NOL10: variants seen among roughly 807,000 people sequenced by gnomAD.
The protein encoded by NOL10 is H_NH0074G24.1.
In NOL10, 58 loss-of-function variants were observed where a neutral mutation model predicts 103.5. That is an observed-to-expected ratio of 0.56 (90% CI 0.45 to 0.70). The LOEUF (loss-of-function observed/expected upper bound fraction) is 0.70, where lower values mean the gene tolerates loss of function less well. Ranked by LOEUF, NOL10 falls within the 30% of genes least tolerant of loss-of-function variation. The pLI, the probability that NOL10 is intolerant of heterozygous loss-of-function variation, is 0.00. For synonymous variants in NOL10, 287 were observed against 282.5 expected (o/e 1.02, Z -0.16); for missense variants, 763 against 807.3 (o/e 0.95, Z 0.67).
chr2:10,659,353 G>T (rs75426415), intron 9 of NOL10, 103 bp from the exon 10 acceptor site: 6 of 398,796 alleles, frequency 1.5e-5, no homozygotes, highest in Non-Finnish European at 1.9e-5. Flanking sequence ...GGGGGGGGGG[G>T]GAGGAATCAC....
chr2:10,650,605 CA>C (rs1213765988), intron 12 of NOL10, among the ~76,000 whole-genome samples: 2 of 151,768 alleles, frequency 1.3e-5, no homozygotes, highest in Admixed American at 1.3e-4. Context: ...ATCGTGAGGC[CA>C]GGGGAGAGCC....
At chr2:10,661,816 G>A (rs1680227791) in intron 9 of NOL10, among the ~76,000 whole-genome samples, 1 of 151,480 alleles carries the variant, frequency 6.6e-6, no homozygotes, top group Non-Finnish European at 1.5e-5. Context: ...CCACCTAGAA[G>A]TGACAGCTTC....
intron 12 of NOL10, among the ~76,000 whole-genome samples, chr2:10,653,890 G>A (rs1216728178): frequency 6.6e-6 from 1 of 152,110 alleles, no homozygotes; most frequent in Non-Finnish European, 1.5e-5. Context: ...CTCACGCTCT[G>A]CCTTACTTCT....
At chr2:10,664,935 C>T (rs373954878) in intron 8 of NOL10, among the ~76,000 whole-genome samples, 13 of 152,316 alleles carry the variant, frequency 8.5e-5, no homozygotes, top group Admixed American at 3.9e-4. Context: ...AGGAATAGGA[C>T]AGGGTGGAAG....
chr2:10,602,773 T>C lies in NOL10; in HGVS notation c.1332+3A>G. ...TAAATTCAATGGTAAGTATAATATT[T>C]ACCTTTAACTGGACTCTCTGTGCAC... On this transcript the variant is annotated splice_donor_region_variant and intron_variant, in intron 16 of 20. Transcript: ENST00000381685. The C allele has an allele frequency of 1.9e-6, 3 of 1,552,884 alleles. No homozygotes were observed. The highest frequency in any genetic ancestry group is 2.7e-6 in the Non-Finnish European group (3 of 1,130,632).
chr2:10,632,421 A>C (rs1218445678), intron 13 of NOL10, among the ~76,000 whole-genome samples: 1 of 152,230 alleles, frequency 6.6e-6, no homozygotes, highest in East Asian at 1.9e-4. Context: ...GTGTTTCAAT[A>C]AAACTTTATT....
intron 1 of NOL10, among the ~76,000 whole-genome samples, chr2:10,685,922 C>A (rs1343485234): frequency 2.2e-5 from 2 of 92,948 alleles, no homozygotes; most frequent in African/African-American, 5.5e-5. Context: ...AGCAGCTGGG[C>A]ATGTTGGTAC....
At chr2:10,617,120 C>G (rs1422302898) in intron 13 of NOL10, among the ~76,000 whole-genome samples, 2 of 152,116 alleles carry the variant, frequency 1.3e-5, no homozygotes, top group African/African-American at 4.8e-5. Flanking sequence ...GCTGTGGAAA[C>G]TGAAGGAGAG....
In NOL10 at chr2:10,664,199, G is replaced by C. The variant is rs953140511; in HGVS notation, c.592-1155C>G. 5.3e-5 allele frequency among the ~76,000 whole-genome samples: 8 copies of C among 152,076 alleles called. No homozygotes were observed. The South Asian group carries it at 1.7e-3, about 32-fold the overall frequency. On this transcript the variant is annotated intron_variant, in intron 8 of 20. Coordinates refer to ENST00000381685, the MANE Select transcript of NOL10 (RefSeq NM_024894.4). ...TAATCCCAGCACTTTTGAAGGCCGA[G>C]GTAGGTGGATCACCTGAGGTCAGGA...
Position 10,689,953 on chromosome 2 carries a change from G to A in NOL10, c.-92C>T, listed in dbSNP as rs374502726. The A allele has an allele frequency of 3.8e-4, 471 of 1,235,068 alleles. 3 individuals carry two copies. In the African/African-American group the frequency reaches 5.8e-3, roughly 15 times the overall value. The allele number at this position is 1,235,068 out of a possible 1,614,324, so 76.5% of individuals were successfully genotyped here. A position where few individuals can be genotyped will look rare whatever the true frequency, so the allele number is the denominator to read the frequency against. ...GGGACCTCCGAGCCCCTGCTCCGCG[G>A]CGTGCGGCCGCTGGCGCCGACTGAT... is the stretch of plus-strand genomic sequence containing the variant. On this transcript the variant is annotated 5_prime_UTR_variant, in exon 1 of 21. Coordinates refer to ENST00000381685, the MANE Select transcript of NOL10 (RefSeq NM_024894.4).
At chr2:10,677,199 T>A (rs909010518) in intron 3 of NOL10, among the ~76,000 whole-genome samples, 3 of 151,968 alleles carry the variant, frequency 2.0e-5, no homozygotes, top group Non-Finnish European at 4.4e-5. Context: ...TCCGCCTGCC[T>A]AAGTGCTGGG....
chr2:10,676,291 T>C (rs1287234830), intron 3 of NOL10, among the ~76,000 whole-genome samples: 3 of 152,248 alleles, frequency 2.0e-5, no homozygotes, highest in Non-Finnish European at 4.4e-5. Context: ...ACTTTCAATC[T>C]ATATTTCAAC....
chr2:10,587,112 T>TACAC (rs796118820), intron 19 of NOL10, among the ~76,000 whole-genome samples: 461 of 40,504 alleles, frequency 0.011, 122 homozygotes, highest in African/African-American at 0.033. Flanking sequence ...TATATATACA[T>TACAC]ATATATACAT....
intron 13 of NOL10, chr2:10,622,087 G>A (rs1237290732): frequency 2.5e-5 from 12 of 471,170 alleles, no homozygotes; most frequent in Admixed American, 9.4e-5. Flanking sequence ...GAACGTGTCC[G>A]TCATCACAGA....
chr2:10,572,346 T>G (rs1466637793), intron 20 of NOL10, among the ~76,000 whole-genome samples, 156 bp from the exon 21 acceptor site: 1 of 152,198 alleles, frequency 6.6e-6, no homozygotes, highest in Non-Finnish European at 1.5e-5. Flanking sequence ...TGGGGCTGCC[T>G]GGACTCTGCT....
chr2:10,625,799 C>T (rs1677422539), intron 13 of NOL10, among the ~76,000 whole-genome samples: 2 of 152,088 alleles, frequency 1.3e-5, no homozygotes, highest in South Asian at 4.1e-4. Context: ...TGTTACATTT[C>T]TCTCTACTTT....
chr2:10,608,550 T>C (rs1676381366), intron 13 of NOL10, among the ~76,000 whole-genome samples: 1 of 152,088 alleles, frequency 6.6e-6, no homozygotes, highest in Non-Finnish European at 1.5e-5. Flanking sequence ...TCGGGCAAAA[T>C]GGAACTTCCA....
At chr2:10,584,874 T>TA (rs1674942192) in intron 19 of NOL10, among the ~76,000 whole-genome samples, 1 of 152,234 alleles carries the variant, frequency 6.6e-6, no homozygotes, top group African/African-American at 2.4e-5. Context: ...GGGTTATTCT[T>TA]AGATACAAAT....
intron 11 of NOL10, 73 bp downstream of exon 11, chr2:10,657,669 G>GA (rs751116679): frequency 8.6e-5 from 113 of 1,313,156 alleles, no homozygotes; most frequent in Non-Finnish European, 8.4e-5. Context: ...CATAAAAAAG[G>GA]AAAGGGAGAG....
Sources: allele counts gnomAD v4.1 joint callset (sites outside exome capture counted in the v4.1 genomes callset), GRCh38; gene constraint gnomAD v4.1.1; transcripts MANE v1.5; gene names NCBI Gene and HGNC (gene_info 2026-07-23, HGNC 2026-07-21).